Variants in PLAAT1 observed in about 807,000 individuals in gnomAD.
PLAAT1 encodes the protein phospholipase A and acyltransferase 1.
Under a neutral mutation model 16.4 loss-of-function variants are expected in PLAAT1, and 13 were observed. That is an observed-to-expected ratio of 0.79 (90% confidence interval 0.52 to 1.26). PLAAT1 has a LOEUF of 1.26. Among genes scored for constraint, PLAAT1 ranks in the 50% most tolerant of loss-of-function variants. The pLI is 0.00. For missense variants in PLAAT1, 218 were observed against 207.8 expected, an observed-to-expected ratio of 1.05 and a Z score of -0.30; for synonymous variants, 73 against 78.4, an observed-to-expected ratio of 0.93 and a Z score of 0.36.
chr3:193,255,790 G>A lies in PLAAT1; in HGVS notation c.139+1G>A, dbSNP rs116653160. 2.0e-3 allele frequency: 3,151 copies of A among 1,582,346 alleles called. 8 individuals are homozygous for A. Among genetic ancestry groups the A allele is most frequent in the Middle Eastern group, 9.8e-3 (58 of 5,934 alleles). ...TACGTTATCAACATAGCACCTGTAG[G>A]TGAGGTTTATTTCCAGTGGCTCCTG... On this transcript the variant is annotated splice_donor_variant, in intron 2 of 3. Coordinates refer to ENST00000264735, the MANE Select transcript of PLAAT1 (RefSeq NM_020386.5). LOFTEE classifies it high-confidence loss of function.
chr3:193,248,194 T>C lies in PLAAT1; in HGVS notation c.-1+6661T>C, dbSNP rs535135188. Among the ~76,000 whole-genome samples, 150 of 152,354 alleles carry C rather than the reference T, an allele frequency of 9.8e-4. No homozygotes were observed. The Middle Eastern group carries it at 0.01, about 10-fold the overall frequency. The stretch of plus-strand genomic sequence containing the variant: ...TTTCTGCAGTTTTTCACTTACAGTC[T>C]ATTTTGTCTGATAGAAGTATAGCTA... On this transcript the variant is annotated intron_variant, in intron 1 of 3. Transcript: ENST00000264735.
At chr3:193,242,471 A>C (rs1240151924) in intron 1 of PLAAT1, among the ~76,000 whole-genome samples, 1 of 152,126 alleles carries the variant, frequency 6.6e-6, no homozygotes, top group African/African-American at 2.4e-5. Flanking sequence ...GGAAATGGGC[A>C]TTCTGGGTAG....
rs1311492162 is a variant in PLAAT1, at chr3:193,270,646, G to C, written c.448G>C (p.Val150Leu). 3.1e-6 allele frequency: 5 copies of C among 1,613,790 alleles called. No individual in the cohort carries two copies. Among genetic ancestry groups the C allele is most frequent in the African/African-American group, 1.3e-5 (1 of 75,046 alleles). ...TACCGTTGAGTTTGTGACAGCTGCT[G>C]TTGGTGTCTTCTCATTCCTGGGCTT... Reference protein sequence around the residue: ...ISTVEFVTAAVGVFSFLGLFP... With the variant: ...ISTVEFVTAALGVFSFLGLFP... The change falls in exon 4 of 4, where the codon GTT becomes CTT. Residue 150 changes from valine to leucine, a missense_variant. Coordinates refer to ENST00000264735, the MANE Select transcript of PLAAT1 (RefSeq NM_020386.5).
At chr3:193,265,099 T>C (rs1227799058) in intron 3 of PLAAT1, among the ~76,000 whole-genome samples, 1 of 152,190 alleles carries the variant, frequency 6.6e-6, no homozygotes, top group Non-Finnish European at 1.5e-5. Flanking sequence ...ATTCTGGCAA[T>C]TCCTCTAAAA....
At chr3:193,276,776 G>T in intron 2 of PLAAT1, 2 of 1,612,786 alleles carry the variant, frequency 1.2e-6, no homozygotes, top group Non-Finnish European at 1.7e-6. Context: ...ACACAGAATT[G>T]GGTGAGGGCT....
intron 3 of PLAAT1, among the ~76,000 whole-genome samples, chr3:193,268,198 A>G (rs569849109): frequency 2.0e-5 from 3 of 152,326 alleles, no homozygotes; most frequent in African/African-American, 7.2e-5. Flanking sequence ...AATTATGAAA[A>G]TATCTCTATC....
chr3:193,250,856 T>C (rs958513527), intron 1 of PLAAT1, among the ~76,000 whole-genome samples: 2 of 151,052 alleles, frequency 1.3e-5, no homozygotes, highest in South Asian at 2.1e-4. Flanking sequence ...CCCGCACCTT[T>C]TTCCAATTGG....
chr3:193,265,461 G>GT (rs1716748104), intron 3 of PLAAT1, among the ~76,000 whole-genome samples: 1 of 152,180 alleles, frequency 6.6e-6, no homozygotes, highest in African/African-American at 2.4e-5. Context: ...AAATAAATTA[G>GT]TGGTTGCCTG....
At chr3:193,242,274 A>G (rs1715793811) in intron 1 of PLAAT1, among the ~76,000 whole-genome samples, 1 of 152,076 alleles carries the variant, frequency 6.6e-6, no homozygotes, top group Non-Finnish European at 1.5e-5. Flanking sequence ...TATGCCCCAC[A>G]AGAGACAATT....
chr3:193,272,389 C>T (rs1026933451), downstream of PLAAT1, among the ~76,000 whole-genome samples: 2 of 152,122 alleles, frequency 1.3e-5, no homozygotes, highest in African/African-American at 4.8e-5. Context: ...TTGCAGTGAG[C>T]CGAGATCACT....
rs9880970 is a variant in PLAAT1 at position 193,265,087 on chromosome 3, C to G, written c.405+1852C>G. On this transcript the variant is annotated intron_variant, in intron 3 of 3. Transcript: ENST00000264735. ...TAAAATGATATAACTGCTTTGGAAA[C>G]CATTCTGGCAATTCCTCTAAAATTA... Among the ~76,000 whole-genome samples the G allele has an allele frequency of 9.5e-4, 144 of 152,294 alleles. 1 individual carries two copies. Among genetic ancestry groups the G allele is most frequent in the African/African-American group, 3.3e-3 (139 of 41,546 alleles).
chr3:193,280,417 C>G (rs994763363), downstream of PLAAT1, among the ~76,000 whole-genome samples: 4 of 152,132 alleles, frequency 2.6e-5, no homozygotes, highest in Non-Finnish European at 5.9e-5. Context: ...CTTACAAAAG[C>G]TTATTTCATA....
chr3:193,261,195 C>G (rs1454554710), intron 2 of PLAAT1, among the ~76,000 whole-genome samples: 1 of 152,070 alleles, frequency 6.6e-6, no homozygotes, highest in East Asian at 1.9e-4. Flanking sequence ...TGACGAAACC[C>G]TGTCTCTACA....
chr3:193,273,656 A>G (rs1717060796), downstream of PLAAT1, among the ~76,000 whole-genome samples: 1 of 152,210 alleles, frequency 6.6e-6, no homozygotes, highest in Non-Finnish European at 1.5e-5. Flanking sequence ...TTATCGTTAT[A>G]AGGAAAGACC....
rs1296781003 is a variant in PLAAT1 at position 193,276,497 on chromosome 3, G to C, written c.*60-1139G>C. ...AAAAGTGCAATACAGTGCATTCATG[G>C]AAGCAAAATTAGAGTTCATACATGT... On this transcript the variant is annotated intron_variant and NMD_transcript_variant, in intron 2 of 2. Transcript: ENST00000416012. Among the ~76,000 whole-genome samples, 4 of 152,126 alleles carry C rather than the reference G, an allele frequency of 2.6e-5. No individual in the cohort carries two copies. In the East Asian group the frequency reaches 7.7e-4, roughly 29 times the overall value.
chr3:193,277,615 C>CT (rs1298892587), intron 2 of PLAAT1: 6 of 152,162 alleles, frequency 3.9e-5, no homozygotes, highest in African/African-American at 1.4e-4. Flanking sequence ...CAAAGTAATA[C>CT]TTTGTCATTT....
intron 1 of PLAAT1, among the ~76,000 whole-genome samples, chr3:193,241,987 C>A (rs1226215826): frequency 6.6e-6 from 1 of 152,158 alleles, no homozygotes; most frequent in Non-Finnish European, 1.5e-5. Flanking sequence ...GCACTCTCAC[C>A]GGAGACTGAA....
Position 193,270,822 on chromosome 3 carries a change from A to G in PLAAT1, c.*117A>G, listed in dbSNP as rs373022630. The G allele has an allele frequency of 3.4e-5, 48 of 1,391,426 alleles. No homozygotes were observed. The African/African-American group carries it at 6.8e-4, about 20-fold the overall frequency. 86.2% of individuals were successfully genotyped at this position (1,391,426 alleles called of 1,614,324 possible). A position where few individuals can be genotyped will look rare whatever the true frequency, so the allele number is the denominator to read the frequency against. ...TCCAGATTCCTATGATGGATGGCAG[A>G]CTCTTTAATAAATTGCTTACTGATA... On this transcript the variant is annotated 3_prime_UTR_variant, in exon 4 of 4. Transcript: ENST00000264735.
At chr3:193,245,649 C>T (rs944476716) in intron 1 of PLAAT1, among the ~76,000 whole-genome samples, 2 of 152,200 alleles carry the variant, frequency 1.3e-5, no homozygotes, top group Non-Finnish European at 2.9e-5. Flanking sequence ...AATTTGCATT[C>T]CCACCAACGA....
Sources: gnomAD v4.1 joint callset for allele counts (sites outside exome capture counted in the v4.1 genomes callset) on GRCh38, gnomAD v4.1.1 for gene constraint, MANE v1.5 for transcripts, NCBI Gene and HGNC (gene_info 2026-07-23, HGNC 2026-07-21) for gene names.